Variants in CLCN1 observed in about 807,000 individuals in gnomAD.
The protein encoded by CLCN1 is chloride channel protein 1.
CLCN1 carries 100 observed loss-of-function variants against 114.5 expected under a neutral mutation model. The observed-to-expected ratio is 0.87, with a 90% confidence interval of 0.74 to 1.03. The LOEUF is 1.03. CLCN1 is among the 50% of genes least tolerant of loss of function. CLCN1 has a pLI of 0.00. For missense variants in CLCN1, 1,188 were observed against 1,250.0 expected, an observed-to-expected ratio of 0.95 and a Z score of 0.75; for synonymous variants, 485 against 487.1, an observed-to-expected ratio of 1.00 and a Z score of 0.06.
intron 1 of CLCN1, among the ~76,000 whole-genome samples, chr7:143,317,342 G>A (rs1024353340): frequency 8.3e-5 from 12 of 144,142 alleles, no homozygotes; most frequent in East Asian, 2.0e-4. Context: ...TCCGCCTCCC[G>A]GGTTCAAGCA....
Position 143,324,517 on chromosome 7 carries a change from T to C in CLCN1, c.853+25T>C. 6.3e-7 allele frequency: 1 copy of C among 1,583,026 alleles called. No homozygotes were observed. The highest frequency in any genetic ancestry group is 1.3e-5 in the African/African-American group (1 of 74,396). On this transcript the variant is annotated intron_variant, in intron 7 of 22. Transcript: ENST00000343257. The surrounding 1 kb of genome is among the most constrained non-coding windows in gnomAD (Gnocchi z 4.6). Reference sequence around the variant, plus strand: ...GGCAAGTGATTGACCCCCTCCCCCATCAATCGGCTTGCCTGGCCTGGCTCC... The same window carrying C: ...GGCAAGTGATTGACCCCCTCCCCCACCAATCGGCTTGCCTGGCCTGGCTCC...
chr7:143,331,434 G>A (rs905399497), intron 9 of CLCN1, 117 bp from the exon 10 acceptor site: 2 of 1,111,732 alleles, frequency 1.8e-6, no homozygotes, highest in African/African-American at 3.1e-5. Flanking sequence ...CATTGCTGGG[G>A]GGATGTGGGC....
chr7:143,330,886 A>T lies in CLCN1; in HGVS notation c.968A>T (p.Asn323Ile). The T allele has an allele frequency of 6.2e-7, 1 of 1,614,190 alleles. No homozygotes were observed. Among genetic ancestry groups the T allele is most frequent in the South Asian group, 1.1e-5 (1 of 91,076 alleles). Residue 323 changes from asparagine to isoleucine, a missense_variant, in exon 8 of 23, where the codon AAC becomes ATC. Asn to Ile is a moderately radical substitution (Grantham distance 149). Coordinates refer to ENST00000343257, the MANE Select transcript of CLCN1 (RefSeq NM_000083.3). The part of the protein sequence containing the change: ...AFVFRVLAVW[N>I]KDAVTITALF... ...GTGTTTCGAGTGCTGGCAGTGTGGAACAAGGATGCTGGTAACCAAGGAGGC... is the reference window on the plus strand; with the variant it reads ...GTGTTTCGAGTGCTGGCAGTGTGGATCAAGGATGCTGGTAACCAAGGAGGC...
In CLCN1 at chr7:143,350,746, A is replaced by C; in HGVS notation, c.2595+92A>C. The stretch of plus-strand genomic sequence containing the variant: ...GGGACAGAAGGAATATTAGCATCTC[A>C]GAAGTCCCCTCAGATTCCCTTCTCT... On this transcript the variant is annotated intron_variant, in intron 22 of 22. Transcript: ENST00000343257. This position sits in a 1 kb window ranked among gnomAD's most constrained non-coding sequence, Gnocchi z 5.1. 2.7e-4 allele frequency: 241 copies of C among 879,404 alleles called. No individual in the cohort carries two copies. The highest frequency in any genetic ancestry group is 4.1e-4 in the Non-Finnish European group (216 of 532,942). The allele number at this position is 879,404 out of a possible 1,614,324, so 54.5% of individuals were successfully genotyped here.
chr7:143,346,949 GGTGA>G lies in CLCN1; in HGVS notation c.2403+3_2403+6del, dbSNP rs1803266265. 6.2e-7 allele frequency: 1 copy of G among 1,612,972 alleles called. No individual in the cohort carries two copies. The highest frequency in any genetic ancestry group is 8.5e-7 in the Non-Finnish European group (1 of 1,178,946). ...TAGTGGATAACATGTCACCTGAAGA[GGTGA>G]GTAAGGGAAATGGAAACCTGGGGTG... On this transcript the variant is annotated splice_donor_variant and splice_donor_region_variant and intron_variant, in intron 20 of 22. Transcript: ENST00000343257. LOFTEE classifies it high-confidence loss of function.
intron 12 of CLCN1, among the ~76,000 whole-genome samples, chr7:143,337,510 GTTCT>G (rs1318437442): frequency 9.0e-4 from 137 of 152,236 alleles, no homozygotes; most frequent in African/African-American, 3.1e-3. Context: ...GATGAGGGGA[GTTCT>G]TTCTTTCTAC....
chr7:143,333,842 T>C (rs1474661175), intron 12 of CLCN1, among the ~76,000 whole-genome samples: 1 of 152,256 alleles, frequency 6.6e-6, no homozygotes, highest in Non-Finnish European at 1.5e-5. Context: ...TCAAGGATTA[T>C]GTATTTATAG....
Position 143,339,545 on chromosome 7 carries a change from G to T in CLCN1, c.1506G>T (p.Met502Ile), listed in dbSNP as rs1803022704. Reference sequence around the variant, plus strand: ...TTGGAAGGCTGGTAGGAGAAATCATGGCCATGCTCTTTCCTGATGGTATTT... The same window carrying T: ...TTGGAAGGCTGGTAGGAGAAATCATTGCCATGCTCTTTCCTGATGGTATTT... ...AAFGRLVGEIMAMLFPDGILF... is the reference protein window; with the variant it reads ...AAFGRLVGEIIAMLFPDGILF... Residue 502 changes from methionine (M) to isoleucine (I), a missense_variant, in exon 14 of 23, where the codon ATG becomes ATT. Transcript: ENST00000343257. The surrounding 1 kb of genome is among the most constrained non-coding windows in gnomAD (Gnocchi z 4.1). 2 of 1,613,810 alleles carry T rather than the reference G, an allele frequency of 1.2e-6. No homozygotes were observed. The highest frequency in any genetic ancestry group is 2.7e-5 in the African/African-American group (2 of 74,906).
chr7:143,349,114 C>T (rs921528602), intron 20 of CLCN1, among the ~76,000 whole-genome samples: 10 of 152,148 alleles, frequency 6.6e-5, no homozygotes, highest in South Asian at 2.1e-4. Flanking sequence ...AAGGCAAAAA[C>T]GGAACATAAG....
Position 143,350,244 on chromosome 7 carries a change from C to CTA in CLCN1, c.2404-126_2404-125dup. 1 of 739,482 alleles carries CTA rather than the reference C, an allele frequency of 1.4e-6. No homozygotes were observed. Among genetic ancestry groups the CTA allele is most frequent in the Non-Finnish European group, 2.4e-6 (1 of 410,736 alleles). 45.8% of individuals were successfully genotyped at this position (739,482 alleles called of 1,614,324 possible). On this transcript the variant is annotated intron_variant, in intron 20 of 22. Transcript: ENST00000343257. This position sits in a 1 kb window ranked among gnomAD's most constrained non-coding sequence, Gnocchi z 5.1. The stretch of plus-strand genomic sequence containing the variant: ...GAGGAGGTCCTCTGATCTGGGGGAT[C>CTA]TATGATCAGTTCTTGCATGTTCCCA...
Position 143,323,405 on chromosome 7 carries a change from A to G in CLCN1, c.774+19A>G. On this transcript the variant is annotated intron_variant, in intron 6 of 22. Coordinates refer to ENST00000343257, the MANE Select transcript of CLCN1 (RefSeq NM_000083.3). Reference sequence around the variant, plus strand: ...ATATGAGGTAAGGTTGAGACAGTGAAATGAGCTGGGGCCAGGTGGTAGAAG... The same window carrying G: ...ATATGAGGTAAGGTTGAGACAGTGAGATGAGCTGGGGCCAGGTGGTAGAAG... 1 of 1,575,200 alleles carries G rather than the reference A, an allele frequency of 6.3e-7. No individual in the cohort carries two copies. The highest frequency in any genetic ancestry group is 8.7e-7 in the Non-Finnish European group (1 of 1,144,476).
At chr7:143,320,856 G>C in intron 3 of CLCN1, 61 bp downstream of exon 3, 13 of 1,600,284 alleles carry the variant, frequency 8.1e-6, no homozygotes, top group African/African-American at 1.3e-5. Flanking sequence ...AGGGTAAGCA[G>C]GGTGTGTTAT....
intron 7 of CLCN1, among the ~76,000 whole-genome samples, chr7:143,330,485 T>C (rs575097672): frequency 6.6e-4 from 100 of 152,312 alleles, no homozygotes; most frequent in African/African-American, 2.3e-3. Context: ...TTCTAAGGGA[T>C]GCAGAGGGCA....
Position 143,345,736 on chromosome 7 carries a change from G to A in CLCN1, c.2146G>A (p.Asp716Asn), listed in dbSNP as rs771811404. The A allele has an allele frequency of 6.3e-7, 1 of 1,595,542 alleles. No homozygotes were observed. The highest frequency in any genetic ancestry group is 1.1e-5 in the South Asian group (1 of 87,788). Residue 716 changes from aspartate to asparagine, a missense_variant, in exon 17 of 23, where the codon GAC (aspartate) becomes AAC (asparagine). By Grantham distance (23) the Asp-to-Asn change is conservative. Coordinates refer to ENST00000343257, the MANE Select transcript of CLCN1 (RefSeq NM_000083.3). Reference protein sequence around the residue: ...ESFAFVDEDEDEDLSGKSELP... With the variant: ...ESFAFVDEDENEDLSGKSELP... ...CTTCGCCTTTGTGGATGAGGATGAG[G>A]ACGAAGACCTCTCTGGCAAGAGCGA...
chr7:143,331,438 T>A (rs796194837), intron 9 of CLCN1, 113 bp from the exon 10 acceptor site: 1 of 1,107,426 alleles, frequency 9.0e-7, no homozygotes, highest in Non-Finnish European at 1.4e-6. Flanking sequence ...GCTGGGGGGA[T>A]GTGGGCAGAT....
chr7:143,332,160 C>T (rs1802741439), intron 10 of CLCN1, among the ~76,000 whole-genome samples: 1 of 152,162 alleles, frequency 6.6e-6, no homozygotes, highest in South Asian at 2.1e-4. Flanking sequence ...GATGGGGTTT[C>T]ACCATGTTGG....
At position 143,324,776 on chromosome 7, in the gene CLCN1, A is replaced by C. The variant is rs1385159015; in HGVS notation, c.853+284A>C. 6.6e-6 allele frequency among the ~76,000 whole-genome samples: 1 copy of C among 152,180 alleles called. No homozygotes were observed. Among genetic ancestry groups the C allele is most frequent in the Non-Finnish European group, 1.5e-5 (1 of 68,044 alleles). On this transcript the variant is annotated intron_variant, in intron 7 of 22. Coordinates refer to ENST00000343257, the MANE Select transcript of CLCN1 (RefSeq NM_000083.3). This position sits in a 1 kb window ranked among gnomAD's most constrained non-coding sequence, Gnocchi z 4.6. ...TTCTGTTAGTAAGGTACAAGCCAGG[A>C]ATTAAAACCAAGGCAGTCTCCGTGG...
Position 143,345,554 on chromosome 7 carries a change from C to G in CLCN1, c.1964C>G (p.Ser655Trp). The G allele has an allele frequency of 1.9e-6, 3 of 1,543,236 alleles. No individual in the cohort carries two copies. Among genetic ancestry groups the G allele is most frequent in the Non-Finnish European group, 2.6e-6 (3 of 1,141,536 alleles). Residue 655 changes from serine to tryptophan, a missense_variant, in exon 17 of 23, where the codon TCG becomes TGG. Ser to Trp is a radical substitution (Grantham distance 177, BLOSUM62 -3). Coordinates refer to ENST00000343257, the MANE Select transcript of CLCN1 (RefSeq NM_000083.3). ...ATCCTGCTGGGCTCGGTGGAGCGGT[C>G]GGAACTGCAGGCCCTCCTGCAGCGC... ...SMILLGSVER[S>W]ELQALLQRHL...
rs565072094 is a variant in CLCN1 at position 143,316,414 on chromosome 7, G to A, written c.180+22G>A. On this transcript the variant is annotated intron_variant, in intron 1 of 22. Transcript: ENST00000343257. ...ACAGGTAAAGTGCTCTAAGGGGAGA[G>A]GGGAGCCATGGATGAGGGGAGACAG... 8.1e-6 allele frequency: 13 copies of A among 1,605,972 alleles called. No individual in the cohort carries two copies. In the East Asian group the frequency reaches 2.5e-4, roughly 30 times the overall value.
Sources: gnomAD v4.1 joint callset for allele counts (sites outside exome capture counted in the v4.1 genomes callset) on GRCh38, gnomAD v4.1.1 for gene constraint, Gnocchi (gnomAD v3.1) non-coding constraint, MANE v1.5 for transcripts, NCBI Gene and HGNC (gene_info 2026-07-23, HGNC 2026-07-21) for gene names.